Variants in XIRP2 observed in about 807,000 individuals in gnomAD.
XIRP2 encodes xin actin-binding repeat-containing protein 2.
Under a neutral mutation model 277.0 loss-of-function variants are expected in XIRP2, and 236 were observed. The ratio of observed to expected loss-of-function variants is 0.85; its 90% confidence interval spans 0.77 to 0.95. The LOEUF (loss-of-function observed/expected upper bound fraction) is 0.95, where lower values mean the gene tolerates loss of function less well. XIRP2 is among the 40% of genes least tolerant of loss of function. The pLI, the probability that XIRP2 is intolerant of heterozygous loss-of-function variation, is 0.00. For synonymous variants in XIRP2, 1,490 were observed against 1,416.5 expected, an observed-to-expected ratio of 1.05 and a Z score of -1.17; for missense variants, 4,640 against 4,157.5, an observed-to-expected ratio of 1.12 and a Z score of -3.19.
chr2:167,178,582 A>C (rs1692920146), intron 3 of XIRP2, among the ~76,000 whole-genome samples: 1 of 152,112 alleles, frequency 6.6e-6, no homozygotes, highest in African/African-American at 2.4e-5. Flanking sequence ...CATTTAATTA[A>C]TACAGCTTTG....
At chr2:167,076,996 C>T (rs1384747054) in intron 2 of XIRP2, among the ~76,000 whole-genome samples, 2 of 151,706 alleles carry the variant, frequency 1.3e-5, no homozygotes, top group African/African-American at 2.4e-5. Flanking sequence ...CTACTTGGCT[C>T]ATTTTTGTGT....
At chr2:167,219,827 T>G (rs1271542551) in intron 5 of XIRP2, among the ~76,000 whole-genome samples, 1 of 152,202 alleles carries the variant, frequency 6.6e-6, no homozygotes, top group African/African-American at 2.4e-5. Flanking sequence ...TAGGTTACTA[T>G]GGAGGTTTAA....
intron 2 of XIRP2, among the ~76,000 whole-genome samples, chr2:166,975,642 G>A (rs1451979155): frequency 1.3e-5 from 2 of 151,954 alleles, no homozygotes; most frequent in Non-Finnish European, 2.9e-5. Flanking sequence ...ACTGTTCATT[G>A]TGGCCGGGCG....
At chr2:166,944,617 G>A (rs1284260637) in intron 2 of XIRP2, among the ~76,000 whole-genome samples, 1 of 152,168 alleles carries the variant, frequency 6.6e-6, no homozygotes, top group East Asian at 1.9e-4. Flanking sequence ...AAGAAAAACA[G>A]AGTTCATGTG....
chr2:167,163,055 G>A (rs1459388352), intron 3 of XIRP2, among the ~76,000 whole-genome samples: 2 of 152,058 alleles, frequency 1.3e-5, no homozygotes, highest in African/African-American at 2.4e-5. Context: ...GTGAACAATT[G>A]CAATTGATAC....
intron 2 of XIRP2, among the ~76,000 whole-genome samples, chr2:167,042,092 G>A (rs189145487): frequency 1.5e-3 from 228 of 152,242 alleles, no homozygotes; most frequent in African/African-American, 5.3e-3. Flanking sequence ...GCCAAACTAA[G>A]TTTCATAAGC....
chr2:167,197,328 T>C (rs774916198), intron 3 of XIRP2, among the ~76,000 whole-genome samples: 7 of 152,230 alleles, frequency 4.6e-5, no homozygotes, highest in Non-Finnish European at 8.8e-5. Flanking sequence ...TAACAAAATC[T>C]GCCAATGAGA....
At chr2:167,025,385 T>A (rs1443552948) in intron 2 of XIRP2, among the ~76,000 whole-genome samples, 2 of 152,206 alleles carry the variant, frequency 1.3e-5, no homozygotes, top group African/African-American at 2.4e-5. Context: ...GTCAATTTTG[T>A]TGATCTTTTC....
rs549513082 is a variant in XIRP2, at chr2:166,941,755, A to C, written c.408+37865A>C. Among the ~76,000 whole-genome samples the C allele has an allele frequency of 5.3e-5, 8 of 152,352 alleles. No homozygotes were observed. The South Asian group carries it at 1.2e-3, about 24-fold the overall frequency. On this transcript the variant is annotated intron_variant, in intron 2 of 10. Transcript: ENST00000409195. ...TAAAATATTTGAAAAAGAAATGATC[A>C]ACAGAACAACTGTTCTATAAAAAGA...
At chr2:167,067,183 T>C (rs978462033) in intron 2 of XIRP2, among the ~76,000 whole-genome samples, 4 of 152,142 alleles carry the variant, frequency 2.6e-5, no homozygotes, top group Non-Finnish European at 4.4e-5. Flanking sequence ...CTATGAGTAA[T>C]TGACAGTACC....
intron 3 of XIRP2, among the ~76,000 whole-genome samples, chr2:167,168,620 G>T (rs1011296843): frequency 1.3e-5 from 2 of 151,924 alleles, no homozygotes; most frequent in African/African-American, 2.4e-5. Flanking sequence ...GTTTGTTTTT[G>T]TTTTTGTTTT....
intron 2 of XIRP2, among the ~76,000 whole-genome samples, chr2:167,020,534 T>C (rs1558950143): frequency 6.6e-6 from 1 of 152,000 alleles, no homozygotes; most frequent in Non-Finnish European, 1.5e-5. Flanking sequence ...AACTCTTCTA[T>C]TCGTATGATC....
intron 2 of XIRP2, among the ~76,000 whole-genome samples, chr2:167,102,982 G>GA (rs1245999521): frequency 3.3e-5 from 5 of 151,832 alleles, no homozygotes; most frequent in South Asian, 2.1e-4. Context: ...CTTCAAATAA[G>GA]AAAAAAAATA....
chr2:166,964,113 A>G (rs1686366346), intron 2 of XIRP2, among the ~76,000 whole-genome samples: 1 of 151,820 alleles, frequency 6.6e-6, no homozygotes, highest in African/African-American at 2.4e-5. Flanking sequence ...GGGTAGGAAT[A>G]GTCATTGAAC....
intron 3 of XIRP2, among the ~76,000 whole-genome samples, chr2:167,187,771 G>A (rs150750522): frequency 9.3e-4 from 141 of 152,200 alleles, no homozygotes; most frequent in African/African-American, 3.1e-3. Context: ...GAAGAATAAT[G>A]AGCCAAACTT....
In XIRP2 at chr2:167,007,092, T is replaced by G. The variant is rs955634391; in HGVS notation, c.408+103202T>G. 4.0e-5 allele frequency among the ~76,000 whole-genome samples: 6 copies of G among 151,696 alleles called. No individual in the cohort carries two copies. The South Asian group carries it at 1.2e-3, about 31-fold the overall frequency. ...ACATCTTATTTCTCTTATTTGCAAA[T>G]CTTTTGATTCTTCACAGACATTGAA... On this transcript the variant is annotated intron_variant, in intron 2 of 10. Transcript: ENST00000409195.
At chr2:167,010,501 C>G (rs947247462) in intron 2 of XIRP2, among the ~76,000 whole-genome samples, 1 of 151,910 alleles carries the variant, frequency 6.6e-6, no homozygotes, top group Admixed American at 6.6e-5. Context: ...AGTCAGGTAG[C>G]GTGATGCCTC....
chr2:167,239,584 C>T (rs914583320), intron 5 of XIRP2, among the ~76,000 whole-genome samples: 2 of 152,158 alleles, frequency 1.3e-5, no homozygotes, highest in African/African-American at 4.8e-5. Flanking sequence ...GGATTGTCCC[C>T]TCCAGCCTGC....
At chr2:167,081,780 T>C (rs1689743858) in intron 2 of XIRP2, among the ~76,000 whole-genome samples, 1 of 152,188 alleles carries the variant, frequency 6.6e-6, no homozygotes, top group Non-Finnish European at 1.5e-5. Flanking sequence ...CTTTGATGTA[T>C]GATTTCCTTT....
Sources: allele counts gnomAD v4.1 joint callset (sites outside exome capture counted in the v4.1 genomes callset), GRCh38; gene constraint gnomAD v4.1.1; transcripts MANE v1.5; gene names NCBI Gene and HGNC (gene_info 2026-07-23, HGNC 2026-07-21).